AGK: variants seen among roughly 807,000 people sequenced by gnomAD.
The protein encoded by AGK is acylglycerol kinase, mitochondrial.
AGK carries 52 observed loss-of-function variants against 66.4 expected under a neutral mutation model. The ratio of observed to expected loss-of-function variants is 0.78; its 90% CI spans 0.63 to 0.99. The LOEUF is 0.99. Ranked by LOEUF, AGK falls within the 50% of genes least tolerant of loss-of-function variation. AGK has a pLI of 0.00. For missense variants in AGK, 451 were observed against 506.6 expected, an observed-to-expected ratio of 0.89 and a Z score of 1.05; for synonymous variants, 182 against 181.1, an observed-to-expected ratio of 1.00 and a Z score of -0.04.
At chr7:141,588,937 C>T (rs963169986) in intron 2 of AGK, among the ~76,000 whole-genome samples, 1 of 152,200 alleles carries the variant, frequency 6.6e-6, no homozygotes, top group Non-Finnish European at 1.5e-5. Context: ...AGATCACTCT[C>T]ATCGCCATCT....
Position 141,652,506 on chromosome 7 carries a change from A to C in AGK, c.1132-281A>C, listed in dbSNP as rs919085684. On this transcript the variant is annotated intron_variant, in intron 15 of 15. Transcript: ENST00000649286. ...CTTTTAATACATATTTGAAAATTAT[A>C]ACCATGTTGTTCAAATCCCAAAATA... is the stretch of plus-strand genomic sequence containing the variant. The C allele has an allele frequency of 1.5e-5, 4 of 274,784 alleles. No individual in the cohort carries two copies. The Admixed American group carries it at 1.8e-4, about 13-fold the overall frequency. 17.0% of individuals were successfully genotyped at this position (274,784 alleles called of 1,614,324 possible). A position where few individuals can be genotyped will look rare whatever the true frequency, so the allele number is the denominator to read the frequency against.
At chr7:141,565,533 C>T (rs912163524) in intron 2 of AGK, among the ~76,000 whole-genome samples, 1 of 151,874 alleles carries the variant, frequency 6.6e-6, no homozygotes, top group Admixed American at 6.6e-5. Flanking sequence ...TGCCTGTAAT[C>T]GGGAGGCTGA....
chr7:141,611,242 C>T lies in AGK; in HGVS notation c.345C>T (p.Asn115=). ...AGAAACTCCTGGAACTGATGGAAAA[C>T]ACGGATGTGATCATTGTTGCAGGAG... ...QAKKLLELME[N]TDVIIVAGGD... The change falls in exon 6 of 16, where the codon AAC becomes AAT. Residue 115 remains asparagine (N), a synonymous_variant. Coordinates refer to ENST00000649286, the MANE Select transcript of AGK (RefSeq NM_018238.4). 5 of 1,613,528 alleles carry T rather than the reference C, an allele frequency of 3.1e-6. No individual in the cohort carries two copies. Among genetic ancestry groups the T allele is most frequent in the Non-Finnish European group, 4.2e-6 (5 of 1,179,676 alleles).
Position 141,614,136 on chromosome 7 carries a change from A to G in AGK, c.391-10A>G. On this transcript the variant is annotated splice_polypyrimidine_tract_variant and intron_variant, in intron 6 of 15. Coordinates refer to ENST00000649286, the MANE Select transcript of AGK (RefSeq NM_018238.4). ...TTATTTATAACAATGTTTTATTATT[A>G]CATTTGTAGGTTGTTACTGGTGTTC... 1.3e-6 allele frequency: 2 copies of G among 1,515,630 alleles called. No individual in the cohort carries two copies. Among genetic ancestry groups the G allele is most frequent in the Non-Finnish European group, 9.0e-7 (1 of 1,107,504 alleles). 93.9% of individuals were successfully genotyped at this position (1,515,630 alleles called of 1,614,324 possible). A position where few individuals can be genotyped will look rare whatever the true frequency, so the allele number is the denominator to read the frequency against.
chr7:141,561,862 T>C (rs1252613703), intron 2 of AGK, among the ~76,000 whole-genome samples: 1 of 152,154 alleles, frequency 6.6e-6, no homozygotes. Context: ...GATATCTTGA[T>C]GTGGTGCTCT....
chr7:141,645,395 TAATTA>T (rs1797388551), intron 13 of AGK, among the ~76,000 whole-genome samples: 1 of 152,218 alleles, frequency 6.6e-6, no homozygotes. Context: ...ATCAGCAACC[TAATTA>T]AATTATTATT....
In AGK at chr7:141,654,572, T is replaced by C. The variant is rs1416244327; in HGVS notation, c.*1648T>C. The C allele has an allele frequency of 2.0e-5, 3 of 152,262 alleles. No individual in the cohort carries two copies. Among genetic ancestry groups the C allele is most frequent in the African/African-American group, 7.2e-5 (3 of 41,466 alleles). The allele number at this position is 152,262 out of a possible 1,614,324, so 9.4% of individuals were successfully genotyped here. On this transcript the variant is annotated 3_prime_UTR_variant, in exon 16 of 16. Coordinates refer to ENST00000649286, the MANE Select transcript of AGK (RefSeq NM_018238.4). Reference sequence around the variant, plus strand: ...GAAATCCACCTGATTTACCATGGCTTTGCCAGCCAGTCATTAGCACCATTT... The same window carrying C: ...GAAATCCACCTGATTTACCATGGCTCTGCCAGCCAGTCATTAGCACCATTT...
chr7:141,610,889 G>A (rs575989473), intron 5 of AGK, among the ~76,000 whole-genome samples: 4 of 152,294 alleles, frequency 2.6e-5, no homozygotes, highest in African/African-American at 9.6e-5. Context: ...AATAGAATCT[G>A]CACTTGACTG....
At chr7:141,584,940 C>G (rs556639194) in intron 2 of AGK, among the ~76,000 whole-genome samples, 1 of 152,268 alleles carries the variant, frequency 6.6e-6, no homozygotes, top group East Asian at 1.9e-4. Flanking sequence ...TAGGAAACTT[C>G]TTTGTTGCAT....
chr7:141,556,496 G>A (rs1049526613), intron 2 of AGK, among the ~76,000 whole-genome samples: 2 of 151,180 alleles, frequency 1.3e-5, no homozygotes, highest in African/African-American at 2.4e-5. Flanking sequence ...ATCCCAGATC[G>A]GGCCACTGCA....
At chr7:141,648,791 G>A (rs1018646061) in intron 13 of AGK, among the ~76,000 whole-genome samples, 10 of 152,298 alleles carry the variant, frequency 6.6e-5, no homozygotes, top group Admixed American at 4.6e-4. Context: ...AACTCTGGTT[G>A]CACACCAAAT....
chr7:141,650,954 T>G, intron 14 of AGK, among the ~76,000 whole-genome samples: 1 of 152,204 alleles, frequency 6.6e-6, no homozygotes. Flanking sequence ...TCCTGTATTC[T>G]CTAGGGGATA....
intron 12 of AGK, 58 bp downstream of exon 12, chr7:141,641,456 A>G (rs1055514687): frequency 2.6e-6 from 4 of 1,543,122 alleles, no homozygotes; most frequent in Middle Eastern, 3.5e-4. Context: ...AGTGCCCTAA[A>G]GTAGACCTCC....
At chr7:141,609,313 G>A (rs140528354) in intron 5 of AGK, among the ~76,000 whole-genome samples, 6 of 152,270 alleles carry the variant, frequency 3.9e-5, no homozygotes, top group African/African-American at 1.4e-4. Context: ...CACTTCAGGC[G>A]CCAGTCTCAC....
At chr7:141,560,548 A>G (rs1795317411) in intron 2 of AGK, among the ~76,000 whole-genome samples, 1 of 151,740 alleles carries the variant, frequency 6.6e-6, no homozygotes, top group African/African-American at 2.4e-5. Flanking sequence ...TTTCTGAGAT[A>G]TTGGTGCACC....
intron 9 of AGK, among the ~76,000 whole-genome samples, chr7:141,624,657 T>C (rs1274631743): frequency 6.6e-6 from 1 of 152,228 alleles, no homozygotes; most frequent in Middle Eastern, 3.2e-3. Context: ...TTCAATCTTA[T>C]AAAATTTGAA....
At chr7:141,602,786 T>C (rs115272827) in intron 5 of AGK, among the ~76,000 whole-genome samples, 2,067 of 152,168 alleles carry the variant, frequency 0.014, 62 homozygotes, top group African/African-American at 0.046. Context: ...TCCTTTCTTA[T>C]TGTATGTATT....
intron 5 of AGK, among the ~76,000 whole-genome samples, chr7:141,603,739 A>T (rs986546178): frequency 6.6e-5 from 10 of 152,052 alleles, no homozygotes; most frequent in Non-Finnish European, 1.5e-4. Context: ...GTGGTCTTCG[A>T]TGGCTTTACT....
intron 8 of AGK, among the ~76,000 whole-genome samples, chr7:141,617,561 A>C (rs1313368147): frequency 2.6e-5 from 4 of 152,218 alleles, no homozygotes; most frequent in African/African-American, 4.8e-5. Flanking sequence ...CATAGTTACC[A>C]CAGAGGAAAA....
Sources: gnomAD v4.1 joint callset for allele counts (sites outside exome capture counted in the v4.1 genomes callset) on GRCh38, gnomAD v4.1.1 for gene constraint, MANE v1.5 for transcripts, NCBI Gene and HGNC (gene_info 2026-07-23, HGNC 2026-07-21) for gene names.